The following NUP85 variants were observed in gnomAD, a reference collection of about 807,000 sequenced individuals.
The protein encoded by NUP85 is nucleoporin 85, also known as nuclear pore complex protein Nup85.
Under a neutral mutation model 92.8 loss-of-function variants are expected in NUP85, and 23 were observed. That is an observed-to-expected ratio of 0.25 (90% CI 0.18 to 0.35). The LOEUF (loss-of-function observed/expected upper bound fraction) is 0.35, where lower values mean the gene tolerates loss of function less well. Ranked by LOEUF, NUP85 falls within the 10% of genes least tolerant of loss-of-function variation. The pLI is 1.00. For missense variants in NUP85, 759 were observed against 822.8 expected (o/e 0.92, Z 0.95); for synonymous variants, 314 against 306.9 (o/e 1.02, Z -0.24).
At chr17:75,207,719 C>T (rs1408327311) in intron 1 of NUP85, among the ~76,000 whole-genome samples, 5 of 152,082 alleles carry the variant, frequency 3.3e-5, no homozygotes, top group Admixed American at 2.6e-4. Context: ...ACCTCGTGAT[C>T]AGCCTGCCTC....
intron 1 of NUP85, 77 bp downstream of exon 1, chr17:75,205,871 G>C: frequency 6.5e-7 from 1 of 1,532,734 alleles, no homozygotes; most frequent in Admixed American, 1.7e-5. Flanking sequence ...AGGCTTGTCT[G>C]CTTCCCTAGT....
rs565226496 is a variant in NUP85 at position 75,214,534 on chromosome 17, A to C, written c.406-1220A>C. Reference sequence around the variant, plus strand: ...CTTCTAAATATTGTCTCTTCTTTTTACTCAAATGAAGCACCTTGCTAAAGC... The same window carrying C: ...CTTCTAAATATTGTCTCTTCTTTTTCCTCAAATGAAGCACCTTGCTAAAGC... On this transcript the variant is annotated intron_variant, in intron 5 of 18. Transcript: ENST00000245544. Among the ~76,000 whole-genome samples the C allele has an allele frequency of 6.6e-5, 10 of 152,180 alleles. No homozygotes were observed. In the South Asian group the frequency reaches 1.9e-3, roughly 28 times the overall value.
rs145404739 is a variant in NUP85 at position 75,234,721 on chromosome 17, G to A, written c.1700G>A (p.Arg567Gln). 104 of 1,614,192 alleles carry A rather than the reference G, an allele frequency of 6.4e-5. No homozygotes were observed. In the African/African-American group the frequency reaches 8.1e-4, roughly 13 times the overall value. ...CTCCTTCTGTCCTTGATGACGTCTC[G>A]GATTGCCCCTCGGTCTTTCTGGATG... Reference protein sequence around the residue: ...ASLLLSLMTSRIAPRSFWMTL... With the variant: ...ASLLLSLMTSQIAPRSFWMTL... The change falls in exon 17 of 19, where the codon CGG becomes CAG. Residue 567 changes from arginine (R) to glutamine (Q), a missense_variant. Arg to Gln is a conservative substitution (Grantham distance 43, BLOSUM62 1). Coordinates refer to ENST00000245544, the MANE Select transcript of NUP85 (RefSeq NM_024844.5).
chr17:75,218,404 C>G, intron 7 of NUP85, 98 bp downstream of exon 7: 4 of 1,507,332 alleles, frequency 2.7e-6, no homozygotes, highest in Non-Finnish European at 3.6e-6. Context: ...CAGCAGTAGG[C>G]TGGCTTTTGG....
At chr17:75,235,067 G>C (rs753037333) in intron 17 of NUP85, 33 bp from the exon 18 acceptor site, 2 of 1,557,228 alleles carry the variant, frequency 1.3e-6, no homozygotes, top group South Asian at 1.1e-5. Context: ...CCAGGGCTGG[G>C]GGCAGCCAAG....
intron 1 of NUP85, 46 bp downstream of exon 1, chr17:75,205,840 C>T: frequency 6.2e-7 from 1 of 1,605,948 alleles, no homozygotes; most frequent in East Asian, 2.2e-5. Context: ...GGGTTGAGAA[C>T]TGCGTCTGCT....
chr17:75,224,259 A>T (rs1013786646), intron 7 of NUP85, among the ~76,000 whole-genome samples: 1 of 151,736 alleles, frequency 6.6e-6, no homozygotes, highest in Non-Finnish European at 1.5e-5. Context: ...GTTAACCAGG[A>T]TGGTCTCGAT....
At chr17:75,213,871 T>G (rs2075347607) in intron 5 of NUP85, among the ~76,000 whole-genome samples, 3 of 148,374 alleles carry the variant, frequency 2.0e-5, no homozygotes, top group Admixed American at 6.8e-5. Context: ...AGTTTTTTTT[T>G]TTTTTTTTTT....
At chr17:75,235,260 C>A in intron 18 of NUP85, 59 bp downstream of exon 18, 1 of 1,260,412 alleles carries the variant, frequency 7.9e-7, no homozygotes, top group Non-Finnish European at 1.1e-6. Context: ...CTCCCTCTAT[C>A]TCAGGCTTCC....
intron 11 of NUP85, among the ~76,000 whole-genome samples, chr17:75,230,371 T>A (rs2076004020): frequency 6.6e-6 from 1 of 151,198 alleles, no homozygotes; most frequent in African/African-American, 2.4e-5. Context: ...TGTTTTTTTT[T>A]TTTTTTGAGA....
At chr17:75,224,757 G>A (rs902653117) in intron 7 of NUP85, among the ~76,000 whole-genome samples, 5 of 151,942 alleles carry the variant, frequency 3.3e-5, no homozygotes, top group South Asian at 2.1e-4. Context: ...GCTTGAACCC[G>A]GGAAGTGGAG....
chr17:75,231,523 C>T lies in NUP85; in HGVS notation c.1179-50C>T, dbSNP rs1354892676. On this transcript the variant is annotated intron_variant, in intron 12 of 18. Transcript: ENST00000245544. This position sits in a 1 kb window ranked among gnomAD's most constrained non-coding sequence, Gnocchi z 4.6. ...AAAGGGAGGTTGGGCTAAGGGGGCC[C>T]TGAACAGGGCAGGCCAGGAGTCTTG... is the stretch of plus-strand genomic sequence containing the variant. 1 of 1,612,158 alleles carries T rather than the reference C, an allele frequency of 6.2e-7. No homozygotes were observed. Among genetic ancestry groups the T allele is most frequent in the Admixed American group, 1.7e-5 (1 of 60,020 alleles).
intron 5 of NUP85, among the ~76,000 whole-genome samples, chr17:75,214,438 C>G (rs990426615): frequency 6.6e-6 from 1 of 152,202 alleles, no homozygotes; most frequent in African/African-American, 2.4e-5. Context: ...TTCCCCTAAA[C>G]TTCAGTCCTT....
intron 5 of NUP85, among the ~76,000 whole-genome samples, chr17:75,213,598 GTTCCGTTC>G (rs1229028438): frequency 6.6e-6 from 1 of 151,862 alleles, no homozygotes; most frequent in East Asian, 1.9e-4. Context: ...GGCCCTGAAT[GTTCCGTTC>G]TTATGGAACA....
chr17:75,206,676 G>A (rs1282168781), intron 1 of NUP85, among the ~76,000 whole-genome samples: 1 of 152,030 alleles, frequency 6.6e-6, no homozygotes, highest in Non-Finnish European at 1.5e-5. Flanking sequence ...TTCATCTCAG[G>A]GTAGGTAGAG....
At chr17:75,224,098 T>G (rs1257303950) in intron 7 of NUP85, among the ~76,000 whole-genome samples, 2 of 152,132 alleles carry the variant, frequency 1.3e-5, no homozygotes, top group Non-Finnish European at 2.9e-5. Flanking sequence ...CAGGCTGGAG[T>G]GCAGTGGCAC....
chr17:75,227,418 C>T (rs1217408909), intron 11 of NUP85, among the ~76,000 whole-genome samples: 1 of 148,826 alleles, frequency 6.7e-6, no homozygotes, highest in Non-Finnish European at 1.5e-5. Flanking sequence ...TCACTGCAAC[C>T]TCCACCTACT....
Position 75,229,278 on chromosome 17 carries a change from T to G in NUP85, c.1095-2062T>G, listed in dbSNP as rs8068490. On this transcript the variant is annotated intron_variant, in intron 11 of 18. Coordinates refer to ENST00000245544, the MANE Select transcript of NUP85 (RefSeq NM_024844.5). ...CAAACCTCACACCCCATTTCCAGAA[T>G]AGCAGGTAGAGGCACTGGAGCTTTG... 9,048 of 538,670 alleles carry G rather than the reference T, an allele frequency of 0.017. 734 individuals are homozygous for G. In the African/African-American group the frequency reaches 0.17, roughly 10 times the overall value. 33.4% of individuals were successfully genotyped at this position (538,670 alleles called of 1,614,324 possible). A position where few individuals can be genotyped will look rare whatever the true frequency, so the allele number is the denominator to read the frequency against.
intron 7 of NUP85, among the ~76,000 whole-genome samples, chr17:75,223,523 G>A (rs1210847096): frequency 4.6e-5 from 7 of 152,018 alleles, no homozygotes; most frequent in Non-Finnish European, 5.9e-5. Context: ...GAGTAGCTGG[G>A]ACTACAGGCA....
Sources: allele counts gnomAD v4.1 joint callset (sites outside exome capture counted in the v4.1 genomes callset), GRCh38; gene constraint gnomAD v4.1.1; non-coding constraint Gnocchi (gnomAD v3.1); transcripts MANE v1.5; gene names NCBI Gene and HGNC (gene_info 2026-07-23, HGNC 2026-07-21).